Variants in N4BP2L2 observed in about 807,000 individuals in gnomAD.
N4BP2L2 encodes the protein NEDD4 binding protein 2 like 2.
In N4BP2L2, 50 loss-of-function variants were observed where a neutral mutation model predicts 56.2. That is an observed-to-expected ratio of 0.89 (90% CI 0.71 to 1.13). The LOEUF (loss-of-function observed/expected upper bound fraction) is 1.13, where lower values mean the gene tolerates loss of function less well. N4BP2L2 is among the 50% of genes most tolerant of loss of function. The pLI is 0.00. For missense variants in N4BP2L2, 689 were observed against 693.8 expected (o/e 0.99, Z 0.08); for synonymous variants, 203 against 223.6 (o/e 0.91, Z 0.82).
chr13:32,496,143 T>A (rs2139444249), intron 6 of N4BP2L2, among the ~76,000 whole-genome samples: 1 of 152,138 alleles, frequency 6.6e-6, no homozygotes, highest in African/African-American at 2.4e-5. Context: ...CCACACCAAC[T>A]ATTACATAAT....
chr13:32,444,635 C>T (rs79658460), intron 6 of N4BP2L2, among the ~76,000 whole-genome samples: 6,924 of 152,286 alleles, frequency 0.045, 512 homozygotes, highest in African/African-American at 0.16. Flanking sequence ...AAAATGAGTA[C>T]ACTTTGAGAA....
exon 2 of N4BP2L2, chr13:32,535,798 C>T (rs1333520414): frequency 1.2e-6 from 2 of 1,613,970 alleles, no homozygotes; most frequent in Non-Finnish European, 1.7e-6. Flanking sequence ...CAGAACCAGG[C>T]AGACCTCTTA....
In N4BP2L2 at chr13:32,478,011, C is replaced by T. The variant is rs41292169; in HGVS notation, c.366-33885G>A. On this transcript the variant is annotated intron_variant, in intron 6 of 9. Coordinates refer to the N4BP2L2 transcript ENST00000357505. ...TGTCTGACATACTGGTGTTCATCAT[C>T]TTGTACCAGAACCTCATCCCCATTA... The T allele has an allele frequency of 9.2e-3, 11,820 of 1,289,330 alleles. 113 individuals are homozygous for T. The highest frequency in any genetic ancestry group is 0.012 in the South Asian group (937 of 81,024). The allele number at this position is 1,289,330 out of a possible 1,614,324, so 79.9% of individuals were successfully genotyped here. A position where few individuals can be genotyped will look rare whatever the true frequency, so the allele number is the denominator to read the frequency against.
exon 7 of N4BP2L2, chr13:32,442,947 T>G (rs1207318573): frequency 1.9e-6 from 3 of 1,612,998 alleles, no homozygotes; most frequent in Non-Finnish European, 2.5e-6. Context: ...TATCTTTTTC[T>G]TCTCCCAAAG....
intron 6 of N4BP2L2, among the ~76,000 whole-genome samples, chr13:32,457,770 G>A (rs1767740674): frequency 6.6e-6 from 1 of 152,068 alleles, no homozygotes; most frequent in African/African-American, 2.4e-5. Flanking sequence ...CTACCATCAT[G>A]AAAACACATG....
chr13:32,438,808 G>A (rs1475423015), intron 7 of N4BP2L2: 1 of 1,025,038 alleles, frequency 9.8e-7, no homozygotes, highest in Non-Finnish European at 1.5e-6. Context: ...GTGAAGACAT[G>A]CAAACCTGAT....
intron 8 of N4BP2L2, chr13:32,436,464 C>A: frequency 1.3e-6 from 1 of 798,592 alleles, no homozygotes; most frequent in Non-Finnish European, 1.9e-6. Flanking sequence ...GTTAAGTTTG[C>A]ACTGTCATTT....
exon 1 of N4BP2L2, chr13:32,538,716 C>G (rs1299157754): frequency 1.0e-6 from 1 of 985,326 alleles, no homozygotes; most frequent in Non-Finnish European, 1.2e-6. Context: ...GGAGACAGCA[C>G]TAAAGCCGAG....
At chr13:32,459,668 G>A (rs762442224) in intron 6 of N4BP2L2, among the ~76,000 whole-genome samples, 18 of 152,188 alleles carry the variant, frequency 1.2e-4, no homozygotes, top group Middle Eastern at 3.4e-3. Context: ...CCCAGGACTG[G>A]ATAACTTTAC....
At chr13:32,450,352 TCTCA>T (rs1289681094) in intron 6 of N4BP2L2, among the ~76,000 whole-genome samples, 2 of 149,322 alleles carry the variant, frequency 1.3e-5, no homozygotes, top group Non-Finnish European at 3.0e-5. Context: ...TGAGATGGAG[TCTCA>T]CTCTGTCACC....
chr13:32,467,488 A>G (rs798268), intron 6 of N4BP2L2, among the ~76,000 whole-genome samples: 93,108 of 150,226 alleles, frequency 0.62, 28,953 homozygotes, highest in Middle Eastern at 0.71. Flanking sequence ...ATGTTGGCCA[A>G]GCTGGTCTCA....
chr13:32,535,881 C>G, exon 2 of N4BP2L2: 1 of 1,614,032 alleles, frequency 6.2e-7, no homozygotes, highest in Non-Finnish European at 8.5e-7. Context: ...CTGTCTGTTC[C>G]ATTATGCTTG....
intron 2 of N4BP2L2, among the ~76,000 whole-genome samples, chr13:32,534,666 C>A (rs1216436661): frequency 6.6e-6 from 1 of 152,176 alleles, no homozygotes; most frequent in Non-Finnish European, 1.5e-5. Flanking sequence ...TGAAATATCA[C>A]AAATTAAATC....
chr13:32,483,838 C>A (rs988945204), intron 6 of N4BP2L2, among the ~76,000 whole-genome samples: 17 of 151,848 alleles, frequency 1.1e-4, no homozygotes, highest in Middle Eastern at 3.4e-3. Flanking sequence ...ACAAAATTAG[C>A]CAGGTGTAGT....
chr13:32,499,945 T>C (rs1423279247), intron 6 of N4BP2L2, among the ~76,000 whole-genome samples: 1 of 152,234 alleles, frequency 6.6e-6, no homozygotes, highest in Non-Finnish European at 1.5e-5. Context: ...ACACCTAACC[T>C]TACTCAGTTC....
chr13:32,515,715 A>G (rs760183216), exon 6 of N4BP2L2: 9 of 152,144 alleles, frequency 5.9e-5, no homozygotes, highest in Non-Finnish European at 7.4e-5. Flanking sequence ...TTCCAAAAAT[A>G]AATGTAAAAG....
chr13:32,478,158 G>T, intron 6 of N4BP2L2: 2 of 814,984 alleles, frequency 2.5e-6, no homozygotes, highest in Non-Finnish European at 3.3e-6. Flanking sequence ...CAATCTCAAC[G>T]AAGAACTTGG....
chr13:32,444,455 C>T (rs904011875), intron 6 of N4BP2L2, among the ~76,000 whole-genome samples: 16 of 152,058 alleles, frequency 1.1e-4, no homozygotes, highest in African/African-American at 2.7e-4. Context: ...TTAGTAGAGA[C>T]GGGGTTTCAC....
chr13:32,433,272 T>C (rs1305415922), intron 9 of N4BP2L2, among the ~76,000 whole-genome samples: 1 of 152,252 alleles, frequency 6.6e-6, no homozygotes, highest in Non-Finnish European at 1.5e-5. Flanking sequence ...TGTTAACATG[T>C]TTACTGGGCC....
Sources: gnomAD v4.1 joint callset for allele counts (sites outside exome capture counted in the v4.1 genomes callset) on GRCh38, gnomAD v4.1.1 for gene constraint, MANE v1.5 for transcripts, NCBI Gene and HGNC (gene_info 2026-07-23, HGNC 2026-07-21) for gene names.